The following DGLUCY variants were observed in gnomAD, a reference collection of about 807,000 sequenced individuals.
DGLUCY encodes the protein D-glutamate cyclase.
DGLUCY carries 58 observed loss-of-function variants against 58.5 expected under a neutral mutation model. The ratio of observed to expected loss-of-function variants is 0.99; its 90% CI spans 0.80 to 1.23. The LOEUF (loss-of-function observed/expected upper bound fraction) is 1.23. Among genes scored for constraint, DGLUCY ranks in the 50% most tolerant of loss-of-function variants. DGLUCY has a pLI of 0.00. For missense variants in DGLUCY, 779 were observed against 784.7 expected, an observed-to-expected ratio of 0.99 and a Z score of 0.09; for synonymous variants, 325 against 314.1, an observed-to-expected ratio of 1.03 and a Z score of -0.37.
At chr14:91,218,404 A>ATTTTTTTTTTT (rs35615811) in intron 13 of DGLUCY, among the ~76,000 whole-genome samples, 1 of 145,988 alleles carries the variant, frequency 6.8e-6, no homozygotes, top group Non-Finnish European at 1.5e-5. Context: ...TAAAATGGGG[A>ATTTTTTTTTTT]TTTTTTTTTT....
At chr14:91,096,614 G>A (rs1049302671) in intron 1 of DGLUCY, among the ~76,000 whole-genome samples, 2 of 152,158 alleles carry the variant, frequency 1.3e-5, no homozygotes, top group East Asian at 3.9e-4. Flanking sequence ...AGAGAGGCTT[G>A]TCTGCCCTTA....
chr14:91,127,067 T>TC (rs2045742029), intron 1 of DGLUCY, among the ~76,000 whole-genome samples: 1 of 149,304 alleles, frequency 6.7e-6, no homozygotes, highest in Non-Finnish European at 1.5e-5. Flanking sequence ...TTTTTTTTTT[T>TC]TTTTTTTGAG....
At chr14:91,093,910 G>T (rs369035649) in intron 1 of DGLUCY, among the ~76,000 whole-genome samples, 3 of 151,996 alleles carry the variant, frequency 2.0e-5, no homozygotes, top group African/African-American at 7.3e-5. Context: ...AACAGGTGAC[G>T]CCATAGAGGG....
intron 1 of DGLUCY, among the ~76,000 whole-genome samples, chr14:91,090,428 G>A (rs1443596035): frequency 6.6e-6 from 1 of 152,134 alleles, no homozygotes; most frequent in Non-Finnish European, 1.5e-5. Context: ...TCCTCTGTGA[G>A]TTTTTAAAAC....
chr14:91,060,783 G>A (rs1046636053), intron 1 of DGLUCY: 6 of 195,902 alleles, frequency 3.1e-5, no homozygotes, highest in East Asian at 2.2e-4. Context: ...CCATTGGGCA[G>A]TACGCTGTGA....
chr14:91,197,109 G>A (rs1417570370), intron 10 of DGLUCY, among the ~76,000 whole-genome samples: 3 of 152,142 alleles, frequency 2.0e-5, no homozygotes, highest in African/African-American at 4.8e-5. Flanking sequence ...TGGGATTACA[G>A]GCACGCACCA....
chr14:91,097,958 G>C (rs2044424719), intron 1 of DGLUCY, among the ~76,000 whole-genome samples: 2 of 152,184 alleles, frequency 1.3e-5, no homozygotes, highest in African/African-American at 4.8e-5. Context: ...GGAAGAAAAA[G>C]AGAAAAAAAT....
At chr14:91,122,215 G>A (rs577430630) in intron 1 of DGLUCY, among the ~76,000 whole-genome samples, 1 of 151,136 alleles carries the variant, frequency 6.6e-6, no homozygotes, top group Non-Finnish European at 1.5e-5. Context: ...AGGCTGGAGT[G>A]CAGTGGTTCA....
intron 12 of DGLUCY, 57 bp from the exon 13 acceptor site, chr14:91,215,348 G>A (rs1273421062): frequency 1.1e-5 from 17 of 1,552,564 alleles, no homozygotes; most frequent in Non-Finnish European, 1.4e-5. Flanking sequence ...CTAGAGGCAG[G>A]CTGACAGACA....
chr14:91,092,527 T>C (rs2044329090), intron 1 of DGLUCY, among the ~76,000 whole-genome samples: 1 of 152,226 alleles, frequency 6.6e-6, no homozygotes, highest in Non-Finnish European at 1.5e-5. Context: ...ATATGACTTA[T>C]CTTTTATTCA....
chr14:91,189,023 C>T lies in DGLUCY; in HGVS notation c.1048C>T (p.His350Tyr). The T allele has an allele frequency of 6.2e-7, 1 of 1,614,220 alleles. No individual in the cohort carries two copies. The highest frequency in any genetic ancestry group is 1.3e-5 in the African/African-American group (1 of 75,064). Reference sequence around the variant, plus strand: ...CACTGGGTTCCCCACACATTTCAATCATGAGCCTCCAGAAGAGACAGATGG... The same window carrying T: ...CACTGGGTTCCCCACACATTTCAATTATGAGCCTCCAGAAGAGACAGATGG... The part of the protein sequence containing the change: ...ITTGFPTHFN[H>Y]EPPEETDGPP... Residue 350 changes from histidine (H) to tyrosine (Y), a missense_variant, in exon 9 of 14, where the codon CAT (histidine) becomes TAT (tyrosine). His to Tyr is a moderately conservative substitution (Grantham distance 83). Coordinates refer to ENST00000256324, the MANE Select transcript of DGLUCY (RefSeq NM_001102368.3).
chr14:91,222,300 T>C (rs2750090), intron 13 of DGLUCY, among the ~76,000 whole-genome samples: 113,479 of 152,080 alleles, frequency 0.75, 42,978 homozygotes, highest in African/African-American at 0.86. Context: ...GTTGGCTGAT[T>C]GCGTGCACCC....
chr14:91,066,165 G>A (rs1272672491), intron 1 of DGLUCY, among the ~76,000 whole-genome samples: 1 of 152,068 alleles, frequency 6.6e-6, no homozygotes, highest in African/African-American at 2.4e-5. Flanking sequence ...ATCACCTGAG[G>A]TCAGGAGTTT....
rs1486123748 is a variant in DGLUCY at position 91,196,401 on chromosome 14, T to C, written c.1222T>C (p.Leu408=). ...TGTTCTGAAGACGCAGATCCCGATA[T>C]TAACTTACCAAGGTGGATCAGTGGA... The part of the protein sequence containing the change: ...QGVLKTQIPI[L]TYQGGSVEAA... Residue 408 remains leucine, a synonymous_variant, in exon 10 of 14, where the codon TTA becomes CTA. Transcript: ENST00000256324. 1 of 1,613,998 alleles carries C rather than the reference T, an allele frequency of 6.2e-7. No individual in the cohort carries two copies. The highest frequency in any genetic ancestry group is 8.5e-7 in the Non-Finnish European group (1 of 1,180,040).
intron 1 of DGLUCY, among the ~76,000 whole-genome samples, chr14:91,102,736 A>AGTGTGT (rs1288611586): frequency 0.068 from 4,120 of 60,622 alleles, 95 homozygotes; most frequent in Non-Finnish European, 0.091. Context: ...GACCCCTTCC[A>AGTGTGT]GTGTGTATGT....
At chr14:91,163,613 G>A (rs895909698) in intron 3 of DGLUCY, among the ~76,000 whole-genome samples, 2 of 152,094 alleles carry the variant, frequency 1.3e-5, no homozygotes, top group African/African-American at 2.4e-5. Context: ...GGAGGACGGC[G>A]CTCCCCTCCT....
At chr14:91,092,955 G>T (rs758095684) in intron 1 of DGLUCY, among the ~76,000 whole-genome samples, 2 of 151,914 alleles carry the variant, frequency 1.3e-5, no homozygotes, top group Non-Finnish European at 2.9e-5. Context: ...ATGGTGGCAG[G>T]CGCCTATGGT....
chr14:91,223,656 C>CTTTT (rs558251801), intron 13 of DGLUCY: 108 of 1,089,928 alleles, frequency 9.9e-5, no homozygotes, highest in South Asian at 9.7e-4. Context: ...GATCAAACCA[C>CTTTT]TTTTTTTTTT....
chr14:91,209,430 C>T (rs193117371), intron 12 of DGLUCY, among the ~76,000 whole-genome samples: 68 of 152,172 alleles, frequency 4.5e-4, no homozygotes, highest in East Asian at 3.1e-3. Flanking sequence ...AGATTGAGGC[C>T]GCGTGCGGTG....
Sources: gnomAD v4.1 joint callset for allele counts (sites outside exome capture counted in the v4.1 genomes callset) on GRCh38, gnomAD v4.1.1 for gene constraint, MANE v1.5 for transcripts, NCBI Gene and HGNC (gene_info 2026-07-23, HGNC 2026-07-21) for gene names.